Variants in BICD1 observed in about 807,000 individuals in gnomAD.
BICD1 encodes the protein BICD cargo adaptor 1, also known as protein bicaudal D homolog 1.
BICD1 carries 35 observed loss-of-function variants against 92.5 expected under a neutral mutation model. The observed-to-expected ratio is 0.38, with a 90% confidence interval of 0.29 to 0.50. The LOEUF (loss-of-function observed/expected upper bound fraction) is 0.50, where lower values mean the gene tolerates loss of function less well. BICD1 is among the 20% of genes least tolerant of loss of function. BICD1 has a pLI of 0.93. For synonymous variants in BICD1, 429 were observed against 465.1 expected (o/e 0.92, Z 1.00); for missense variants, 950 against 1,189.8 (o/e 0.80, Z 2.97).
At chr12:32,317,121 G>C (rs1053847057) in intron 4 of BICD1, among the ~76,000 whole-genome samples, 8 of 152,264 alleles carry the variant, frequency 5.3e-5, no homozygotes, top group South Asian at 2.1e-4. Flanking sequence ...GGACATTTGG[G>C]TTGGTTCCAA....
chr12:32,281,605 GATAGA>G (rs1488264484), intron 2 of BICD1, among the ~76,000 whole-genome samples: 1 of 152,124 alleles, frequency 6.6e-6, no homozygotes, highest in Non-Finnish European at 1.5e-5. Flanking sequence ...TTTTTAAAGA[GATAGA>G]ATAAAGTATA....
At chr12:32,119,066 C>T (rs1274273635) in intron 1 of BICD1, among the ~76,000 whole-genome samples, 3 of 152,156 alleles carry the variant, frequency 2.0e-5, no homozygotes, top group African/African-American at 7.2e-5. Flanking sequence ...GACTTGAGCC[C>T]AGACCTGAAT....
At chr12:32,375,033 C>G (rs1952103027) in intron 9 of BICD1, among the ~76,000 whole-genome samples, 1 of 148,300 alleles carries the variant, frequency 6.7e-6, no homozygotes, top group Admixed American at 6.8e-5. Context: ...ATTCTCCTAC[C>G]TCAGCCTCCG....
intron 1 of BICD1, chr12:32,109,291 A>G (rs1941602597): frequency 6.6e-6 from 1 of 152,236 alleles, no homozygotes; most frequent in African/African-American, 2.4e-5. Context: ...TTATGAAAGA[A>G]TCAGTTTGTA....
At chr12:32,265,020 A>G (rs1182560238) in intron 2 of BICD1, among the ~76,000 whole-genome samples, 1 of 152,078 alleles carries the variant, frequency 6.6e-6, no homozygotes, top group East Asian at 1.9e-4. Context: ...GCTCCTTTCC[A>G]GAATTCTACT....
rs1271101773 is a variant in BICD1, at chr12:32,379,449, A to G, written c.*1822A>G. On this transcript the variant is annotated 3_prime_UTR_variant, in exon 10 of 10. Transcript: ENST00000652176. ...CTTCACCAAAATAAGGGTTCAGGTT[A>G]AAGTACAGAAACAGAAACAAAACGA... 1 of 152,258 alleles carries G rather than the reference A, an allele frequency of 6.6e-6. No homozygotes were observed. The highest frequency in any genetic ancestry group is 6.5e-5 in the Admixed American group (1 of 15,280). 9.4% of individuals were successfully genotyped at this position (152,258 alleles called of 1,614,324 possible). A position where few individuals can be genotyped will look rare whatever the true frequency, so the allele number is the denominator to read the frequency against.
rs114450327 is a variant in BICD1, at chr12:32,185,782, A to G, written c.214-30465A>G. Among the ~76,000 whole-genome samples, 883 of 152,274 alleles carry G rather than the reference A, an allele frequency of 5.8e-3. 10 individuals are homozygous for G. The highest frequency in any genetic ancestry group is 0.02 in the African/African-American group (840 of 41,550). Reference sequence around the variant, plus strand: ...AACAAAATCTTGAGACTTGCCATAAACAAATTCTCATCTGTTTGTGTGATG... The same window carrying G: ...AACAAAATCTTGAGACTTGCCATAAGCAAATTCTCATCTGTTTGTGTGATG... On this transcript the variant is annotated intron_variant, in intron 1 of 9. Coordinates refer to ENST00000652176, the MANE Select transcript of BICD1 (RefSeq NM_001714.4).
chr12:32,220,718 A>G (rs1945491341), intron 2 of BICD1, among the ~76,000 whole-genome samples: 1 of 147,604 alleles, frequency 6.8e-6, no homozygotes, highest in African/African-American at 2.5e-5. Context: ...TAGAAATACC[A>G]TTTGACCCAG....
rs35062570 is a variant in BICD1, at chr12:32,291,529, C to CA, written c.427-2454dup. On this transcript the variant is annotated intron_variant, in intron 2 of 9. Coordinates refer to ENST00000652176, the MANE Select transcript of BICD1 (RefSeq NM_001714.4). ...CAACAGAGCAAGACCCTGCTTCTACCAAAAAAAAAAATATATATTAAATTT... is the reference window on the plus strand; with the variant it reads ...CAACAGAGCAAGACCCTGCTTCTACCAAAAAAAAAAAATATATATTAAATTT... 6.0e-3 allele frequency among the ~76,000 whole-genome samples: 879 copies of CA among 147,226 alleles called. 11 individuals carry two copies. The highest frequency in any genetic ancestry group is 0.02 in the African/African-American group (784 of 39,756).
chr12:32,282,893 G>C (rs1278858966), intron 2 of BICD1, among the ~76,000 whole-genome samples: 4 of 152,212 alleles, frequency 2.6e-5, no homozygotes, highest in African/African-American at 9.7e-5. Flanking sequence ...CAGGTTCAGT[G>C]TTCTTTGGGA....
intron 9 of BICD1, among the ~76,000 whole-genome samples, chr12:32,374,734 ATT>A (rs1179747608): frequency 0.021 from 1,650 of 80,082 alleles, 19 homozygotes; most frequent in African/African-American, 0.046. Flanking sequence ...CGCCCGGCTA[ATT>A]TTTTTTTTTT....
At chr12:32,265,380 T>G (rs1033637390) in intron 2 of BICD1, among the ~76,000 whole-genome samples, 1 of 152,074 alleles carries the variant, frequency 6.6e-6, no homozygotes, top group African/African-American at 2.4e-5. Context: ...AACTATAAAC[T>G]AAGACTTTCA....
chr12:32,285,516 C>G (rs1427781171), intron 2 of BICD1, among the ~76,000 whole-genome samples: 3 of 152,058 alleles, frequency 2.0e-5, no homozygotes, highest in Admixed American at 2.0e-4. Flanking sequence ...TGGTGACAAG[C>G]GTTCATCTGT....
chr12:32,127,486 T>C (rs939215891), intron 1 of BICD1, among the ~76,000 whole-genome samples: 3 of 152,248 alleles, frequency 2.0e-5, no homozygotes, highest in Admixed American at 6.5e-5. Flanking sequence ...TTTTTATATA[T>C]GCATGGGTCT....
At chr12:32,124,489 G>A (rs1337427015) in intron 1 of BICD1, among the ~76,000 whole-genome samples, 3 of 152,162 alleles carry the variant, frequency 2.0e-5, no homozygotes, top group African/African-American at 7.2e-5. Context: ...AAGGAAAAAT[G>A]CATGTGAAGG....
At chr12:32,249,114 G>A (rs1396570533) in intron 2 of BICD1, among the ~76,000 whole-genome samples, 1 of 152,172 alleles carries the variant, frequency 6.6e-6, no homozygotes, top group East Asian at 1.9e-4. Flanking sequence ...AAAGCAAGCT[G>A]GCTAACTTCT....
At chr12:32,273,821 GAA>G (rs1283442298) in intron 2 of BICD1, among the ~76,000 whole-genome samples, 2 of 152,264 alleles carry the variant, frequency 1.3e-5, no homozygotes, top group South Asian at 4.1e-4. Flanking sequence ...GGGTGAAAAG[GAA>G]AAAGGAAAAA....
intron 2 of BICD1, among the ~76,000 whole-genome samples, chr12:32,265,547 GAAAAA>G (rs11341415): frequency 8.0e-6 from 1 of 125,708 alleles, no homozygotes; most frequent in Non-Finnish European, 1.7e-5. Context: ...CGTTTCTACA[GAAAAA>G]AAAAAAAAAA....
intron 1 of BICD1, among the ~76,000 whole-genome samples, chr12:32,168,089 A>G (rs1166854977): frequency 6.6e-6 from 1 of 152,108 alleles, no homozygotes; most frequent in East Asian, 1.9e-4. Flanking sequence ...TAGGCCCTAT[A>G]TAAGTGCTTG....
Sources: allele counts gnomAD v4.1 joint callset (sites outside exome capture counted in the v4.1 genomes callset), GRCh38; gene constraint gnomAD v4.1.1; transcripts MANE v1.5; gene names NCBI Gene and HGNC (gene_info 2026-07-23, HGNC 2026-07-21).